Variants in TAX1BP1 observed in about 807,000 individuals in gnomAD.
The protein encoded by TAX1BP1 is Tax1 binding protein 1.
Under a neutral mutation model 97.7 loss-of-function variants are expected in TAX1BP1, and 62 were observed. The ratio of observed to expected loss-of-function variants is 0.63; its 90% CI spans 0.52 to 0.78. TAX1BP1 has a LOEUF of 0.78. Ranked by LOEUF, TAX1BP1 falls within the 30% of genes least tolerant of loss-of-function variation. The pLI is 0.00. For missense variants in TAX1BP1, 867 were observed against 916.1 expected, an observed-to-expected ratio of 0.95 and a Z score of 0.69; for synonymous variants, 340 against 304.2, an observed-to-expected ratio of 1.12 and a Z score of -1.23.
chr7:27,780,158 G>T lies in TAX1BP1; in HGVS notation c.613-5005G>T, dbSNP rs1789197232. Reference sequence around the variant, plus strand: ...TTTGAATTTAGCAGTTTGTGAATGAGATCTGGAAGTTATCTTTGGAGAGTA... The same window carrying T: ...TTTGAATTTAGCAGTTTGTGAATGATATCTGGAAGTTATCTTTGGAGAGTA... On this transcript the variant is annotated intron_variant, in intron 5 of 16. Transcript: ENST00000396319. Among the ~76,000 whole-genome samples, 3 of 152,234 alleles carry T rather than the reference G, an allele frequency of 2.0e-5. No homozygotes were observed. In the South Asian group the frequency reaches 6.2e-4, roughly 32 times the overall value.
intron 12 of TAX1BP1, 117 bp downstream of exon 12, chr7:27,796,336 A>G: frequency 1.2e-6 from 1 of 838,286 alleles, no homozygotes; most frequent in Admixed American, 3.6e-5. Flanking sequence ...ATATAGTGTT[A>G]CTTAGTTTCA....
chr7:27,753,664 T>A (rs1788102789), intron 2 of TAX1BP1, among the ~76,000 whole-genome samples: 1 of 152,004 alleles, frequency 6.6e-6, no homozygotes. Flanking sequence ...AGAACAATTG[T>A]AACATGAAAT....
At chr7:27,802,062 G>A (rs1790159402) in intron 13 of TAX1BP1, among the ~76,000 whole-genome samples, 1 of 152,220 alleles carries the variant, frequency 6.6e-6, no homozygotes, top group African/African-American at 2.4e-5. Flanking sequence ...GAGTTCAGAA[G>A]TGGAGCGCGT....
chr7:27,766,171 G>T (rs374018230), intron 4 of TAX1BP1, 150 bp downstream of exon 4: 5 of 746,930 alleles, frequency 6.7e-6, no homozygotes, highest in Admixed American at 5.7e-5. Flanking sequence ...CTGTAATCCC[G>T]GCACTCTGGG....
intron 5 of TAX1BP1, among the ~76,000 whole-genome samples, chr7:27,778,466 A>G (rs1789119752): frequency 6.6e-6 from 1 of 152,172 alleles, no homozygotes; most frequent in Non-Finnish European, 1.5e-5. Context: ...GAATATAGAT[A>G]GGTTCTGTAA....
chr7:27,743,199 T>A (rs1179134968), intron 1 of TAX1BP1, among the ~76,000 whole-genome samples: 1 of 152,184 alleles, frequency 6.6e-6, no homozygotes, highest in African/African-American at 2.4e-5. Context: ...ATTCTGGAAA[T>A]AGGGATGTCT....
intron 15 of TAX1BP1, among the ~76,000 whole-genome samples, chr7:27,822,815 TA>T (rs1791028187): frequency 6.6e-6 from 1 of 152,238 alleles, no homozygotes; most frequent in Admixed American, 6.5e-5. Context: ...GAATTTATGT[TA>T]TTTTGTTGCT....
At chr7:27,740,583 T>A (rs894034711) in intron 1 of TAX1BP1, among the ~76,000 whole-genome samples, 1 of 151,956 alleles carries the variant, frequency 6.6e-6, no homozygotes, top group African/African-American at 2.4e-5. Context: ...ACGGGGGCCC[T>A]TTGGCTGGGG....
chr7:27,768,657 A>G (rs1788731614), intron 4 of TAX1BP1, among the ~76,000 whole-genome samples: 2 of 151,984 alleles, frequency 1.3e-5, no homozygotes, highest in Admixed American at 1.3e-4. Flanking sequence ...AATGCCATTT[A>G]TTGCAAACTA....
chr7:27,783,849 A>G (rs75903677), intron 5 of TAX1BP1, among the ~76,000 whole-genome samples: 1,733 of 152,288 alleles, frequency 0.011, 31 homozygotes, highest in African/African-American at 0.039. Flanking sequence ...AATGTGCCCA[A>G]TTTCACAGCA....
At chr7:27,740,982 G>A (rs536571440) in intron 1 of TAX1BP1, among the ~76,000 whole-genome samples, 29 of 152,302 alleles carry the variant, frequency 1.9e-4, no homozygotes, top group African/African-American at 6.7e-4. Flanking sequence ...GCGCGCGCGC[G>A]TACACCTTAT....
chr7:27,769,904 T>C (rs1282198286), intron 5 of TAX1BP1, 70 bp downstream of exon 5: 10 of 1,475,754 alleles, frequency 6.8e-6, no homozygotes, highest in Non-Finnish European at 9.3e-6. Context: ...TTTAAAGAGC[T>C]GAACCAATTA....
intron 10 of TAX1BP1, 22 bp downstream of exon 10, chr7:27,793,234 C>T: frequency 6.5e-7 from 1 of 1,543,694 alleles, no homozygotes; most frequent in Non-Finnish European, 8.7e-7. Context: ...TAAATTTACA[C>T]ATAGTAAAAT....
Position 27,794,462 on chromosome 7 carries a change from A to C in TAX1BP1, c.1534+16A>C. 2 of 1,596,466 alleles carry C rather than the reference A, an allele frequency of 1.3e-6. No individual in the cohort carries two copies. The highest frequency in any genetic ancestry group is 1.7e-6 in the Non-Finnish European group (2 of 1,171,652). On this transcript the variant is annotated intron_variant, in intron 11 of 16. Transcript: ENST00000396319. ...CCTTCTGCAGGTAAAAATCTTTTAGACTTTTTGTGTAGGGTGTCCTACATT... is the reference window on the plus strand; with the variant it reads ...CCTTCTGCAGGTAAAAATCTTTTAGCCTTTTTGTGTAGGGTGTCCTACATT...
intron 5 of TAX1BP1, among the ~76,000 whole-genome samples, chr7:27,771,097 A>ATATT (rs1788828412): frequency 4.9e-5 from 2 of 40,570 alleles, no homozygotes; most frequent in Admixed American, 4.5e-4. Context: ...ACATTCAGCA[A>ATATT]TTTTTTTTTT....
intron 13 of TAX1BP1, chr7:27,802,973 C>G: frequency 1.2e-6 from 1 of 807,252 alleles, no homozygotes; most frequent in Non-Finnish European, 1.8e-6. Context: ...TCAGAGAAGT[C>G]AAAGAATTAG....
At chr7:27,765,231 G>A (rs957871359) in intron 3 of TAX1BP1, among the ~76,000 whole-genome samples, 8 of 151,114 alleles carry the variant, frequency 5.3e-5, no homozygotes, top group African/African-American at 1.7e-4. Flanking sequence ...GGCCAGGCTG[G>A]TCTCTAACTC....
At chr7:27,763,402 T>G (rs913875948) in intron 3 of TAX1BP1, among the ~76,000 whole-genome samples, 1 of 152,230 alleles carries the variant, frequency 6.6e-6, no homozygotes, top group Admixed American at 6.5e-5. Context: ...TGAATAATTA[T>G]GTCTATCTCA....
In TAX1BP1 at chr7:27,792,117, C is replaced by G; in HGVS notation, c.1150C>G (p.Arg384Gly). The G allele has an allele frequency of 6.2e-7, 1 of 1,613,942 alleles. No homozygotes were observed. The highest frequency in any genetic ancestry group is 8.5e-7 in the Non-Finnish European group (1 of 1,180,016). The stretch of plus-strand genomic sequence containing the variant: ...AGAACTCAGTGATGCTGTCAACGTA[C>G]GAGACAGAACGATGGCAGACCTGCA... ...AKELSDAVNV[R>G]DRTMADLHTA... is the part of the protein sequence containing the mutation. Residue 384 changes from arginine (R) to glycine (G), a missense_variant, in exon 9 of 17, where the codon CGA (arginine) becomes GGA (glycine). This residue lies in a region of TAX1BP1 where 822 missense variants were observed against 851.4 expected (regional missense o/e 0.97). Coordinates refer to ENST00000396319, the MANE Select transcript of TAX1BP1 (RefSeq NM_006024.7).
Sources: gnomAD v4.1 joint callset for allele counts (sites outside exome capture counted in the v4.1 genomes callset) on GRCh38, gnomAD v4.1.1 for gene constraint, gnomAD v4.1.1 regional missense constraint, MANE v1.5 for transcripts, NCBI Gene and HGNC (gene_info 2026-07-23, HGNC 2026-07-21) for gene names.